SULF1: variants seen among roughly 807,000 people sequenced by gnomAD.
SULF1 encodes sulfatase 1.
A neutral mutation model predicts 110.5 loss-of-function variants in SULF1; 46 were observed. The observed-to-expected ratio is 0.42, with a 90% CI of 0.33 to 0.53. The LOEUF (loss-of-function observed/expected upper bound fraction) is 0.53, where lower values mean the gene tolerates loss of function less well. Ranked by LOEUF, SULF1 falls within the 20% of genes least tolerant of loss-of-function variation. The pLI, the probability that SULF1 is intolerant of heterozygous loss-of-function variation, is 0.12. For missense variants in SULF1, 941 were observed against 1,094.2 expected (o/e 0.86, Z 1.98); for synonymous variants, 371 against 387.1 (o/e 0.96, Z 0.49).
At chr8:69,500,827 G>T (rs771215727) in intron 2 of SULF1, among the ~76,000 whole-genome samples, 28 of 152,236 alleles carry the variant, frequency 1.8e-4, no homozygotes, top group Non-Finnish European at 2.4e-4. Context: ...TGTTTGGAGT[G>T]GAAAGAGGGG....
At chr8:69,543,923 C>T (rs1207308520) in intron 3 of SULF1, among the ~76,000 whole-genome samples, 2 of 152,202 alleles carry the variant, frequency 1.3e-5, no homozygotes, top group Non-Finnish European at 2.9e-5. Flanking sequence ...TGAGTGGCCT[C>T]ATCTGCTTAT....
intron 3 of SULF1, among the ~76,000 whole-genome samples, chr8:69,554,648 T>A (rs1052472499): frequency 1.3e-5 from 2 of 150,428 alleles, no homozygotes; most frequent in African/African-American, 2.5e-5. Flanking sequence ...TCTCTTGAGT[T>A]GTTAGCCTTT....
chr8:69,608,470 A>C (rs1808396755), intron 13 of SULF1, among the ~76,000 whole-genome samples: 1 of 152,174 alleles, frequency 6.6e-6, no homozygotes, highest in Non-Finnish European at 1.5e-5. Flanking sequence ...ATCTGAGGTC[A>C]GGAGTTTCAG....
intron 16 of SULF1, 57 bp from the exon 17 acceptor site, chr8:69,627,715 A>G (rs1015883590): frequency 8.5e-7 from 1 of 1,169,860 alleles, no homozygotes; most frequent in African/African-American, 1.5e-5. Flanking sequence ...AAAGAAAAGT[A>G]CTTTGTAAAG....
intron 19 of SULF1, among the ~76,000 whole-genome samples, chr8:69,630,348 C>T (rs965630104): frequency 3.9e-5 from 6 of 152,206 alleles, no homozygotes; most frequent in Non-Finnish European, 8.8e-5. Flanking sequence ...CTGATTGAAG[C>T]TTACCAGCCT....
intron 3 of SULF1, among the ~76,000 whole-genome samples, chr8:69,519,589 A>G (rs964860383): frequency 2.6e-5 from 4 of 152,154 alleles, no homozygotes; most frequent in East Asian, 1.9e-4. Context: ...GTGTTCAGGT[A>G]TCTCTAGGAC....
intron 3 of SULF1, among the ~76,000 whole-genome samples, chr8:69,528,202 T>G (rs949121115): frequency 6.6e-6 from 1 of 152,170 alleles, no homozygotes; most frequent in Non-Finnish European, 1.5e-5. Flanking sequence ...TGAAACCACC[T>G]GCTGTTCTTC....
chr8:69,490,466 TCAAA>T (rs971138500), upstream of SULF1, among the ~76,000 whole-genome samples: 17 of 152,226 alleles, frequency 1.1e-4, no homozygotes, highest in South Asian at 1.0e-3. Flanking sequence ...AACCATTGTC[TCAAA>T]CAAAGTCTTA....
At chr8:69,649,723 A>G (rs2130725921) in intron 22 of SULF1, among the ~76,000 whole-genome samples, 1 of 152,234 alleles carries the variant, frequency 6.6e-6, no homozygotes, top group Non-Finnish European at 1.5e-5. Flanking sequence ...TTTGTCAGGA[A>G]TACCACATAT....
At chr8:69,514,840 C>G (rs1424907783) in intron 3 of SULF1, among the ~76,000 whole-genome samples, 1 of 152,214 alleles carries the variant, frequency 6.6e-6, no homozygotes, top group Non-Finnish European at 1.5e-5. Flanking sequence ...GGAGTGCAGT[C>G]ATTAAATCTC....
At chr8:69,622,341 G>A (rs563616712) in intron 14 of SULF1, among the ~76,000 whole-genome samples, 3 of 152,264 alleles carry the variant, frequency 2.0e-5, no homozygotes, top group African/African-American at 7.2e-5. Flanking sequence ...CACTTTGGGA[G>A]GCTGAGGCAG....
chr8:69,554,241 G>T (rs1378774091), intron 3 of SULF1, among the ~76,000 whole-genome samples: 1 of 152,214 alleles, frequency 6.6e-6, no homozygotes, highest in Non-Finnish European at 1.5e-5. Flanking sequence ...CTGGGTGTTT[G>T]TACGGAAGAA....
chr8:69,578,453 T>C (rs980308610), intron 6 of SULF1, among the ~76,000 whole-genome samples: 9 of 151,334 alleles, frequency 5.9e-5, no homozygotes, highest in Non-Finnish European at 1.0e-4. Context: ...GCTGCACCCA[T>C]TAACTCGTCA....
At chr8:69,635,043 A>G (rs1474349584) in intron 19 of SULF1, among the ~76,000 whole-genome samples, 2 of 152,214 alleles carry the variant, frequency 1.3e-5, no homozygotes. Flanking sequence ...TGATCCGCCC[A>G]CTGCAGCATC....
intron 1 of SULF1, among the ~76,000 whole-genome samples, chr8:69,475,683 T>C (rs756308831): frequency 8.5e-5 from 13 of 152,330 alleles, no homozygotes; most frequent in Admixed American, 5.9e-4. Context: ...TTATCTGTTA[T>C]CTGTGAACAG....
chr8:69,522,509 T>C (rs1405495247), intron 3 of SULF1, among the ~76,000 whole-genome samples: 1 of 152,206 alleles, frequency 6.6e-6, no homozygotes, highest in African/African-American at 2.4e-5. Flanking sequence ...GAAATATCAT[T>C]AATTAGGCAG....
At chr8:69,622,247 T>C (rs1339269683) in intron 14 of SULF1, among the ~76,000 whole-genome samples, 1 of 152,140 alleles carries the variant, frequency 6.6e-6, no homozygotes, top group East Asian at 1.9e-4. Context: ...ACAGAAAAAT[T>C]CCAGGTCTAA....
chr8:69,652,617 A>G (rs751971751), intron 22 of SULF1, among the ~76,000 whole-genome samples: 5 of 152,140 alleles, frequency 3.3e-5, no homozygotes, highest in African/African-American at 4.8e-5. Flanking sequence ...GCCTCCTCAC[A>G]TATTTTAAGT....
chr8:69,569,183 G>A (rs73293332), intron 5 of SULF1, among the ~76,000 whole-genome samples: 3,263 of 152,120 alleles, frequency 0.021, 112 homozygotes, highest in African/African-American at 0.074. Flanking sequence ...ACATTGACCC[G>A]ATGTTTCTCT....
Sources: allele counts gnomAD v4.1 joint callset (sites outside exome capture counted in the v4.1 genomes callset), GRCh38; gene constraint gnomAD v4.1.1; transcripts MANE v1.5; gene names NCBI Gene and HGNC (gene_info 2026-07-23, HGNC 2026-07-21).